The following NELL1 variants were observed in gnomAD, a reference collection of about 807,000 sequenced individuals.
The protein encoded by NELL1 is neural EGFL like 1, also known as protein kinase C-binding protein NELL1.
Under a neutral mutation model 107.4 loss-of-function variants are expected in NELL1, and 76 were observed. The observed-to-expected ratio is 0.71, with a 90% CI of 0.59 to 0.86. The LOEUF (loss-of-function observed/expected upper bound fraction) is 0.86. Among genes scored for constraint, NELL1 ranks in the 40% least tolerant of loss-of-function variants. The pLI is 0.00. For missense variants in NELL1, 1,024 were observed against 1,005.5 expected (o/e 1.02, Z -0.25); for synonymous variants, 353 against 341.2 (o/e 1.03, Z -0.38).
chr11:21,000,406 T>C (rs946627692), intron 12 of NELL1, among the ~76,000 whole-genome samples: 2 of 152,188 alleles, frequency 1.3e-5, no homozygotes, highest in African/African-American at 4.8e-5. Context: ...GAACCCAGAG[T>C]TAAAATTTCC....
intron 13 of NELL1, among the ~76,000 whole-genome samples, chr11:21,190,658 A>G (rs1193132904): frequency 6.6e-6 from 1 of 151,878 alleles, no homozygotes. Context: ...CTGACAACTA[A>G]ATACAGGATG....
intron 15 of NELL1, among the ~76,000 whole-genome samples, chr11:21,530,601 AT>A (rs1282571318): frequency 1.3e-5 from 2 of 152,114 alleles, no homozygotes; most frequent in African/African-American, 4.8e-5. Context: ...AATTATAATC[AT>A]GATTAAAATT....
At chr11:20,967,567 C>T (rs1264926564) in intron 12 of NELL1, among the ~76,000 whole-genome samples, 4 of 152,082 alleles carry the variant, frequency 2.6e-5, no homozygotes, top group Non-Finnish European at 5.9e-5. Flanking sequence ...CTTGATTCCA[C>T]TCTTTTCTTT....
chr11:21,190,062 A>G (rs7103385), intron 13 of NELL1, among the ~76,000 whole-genome samples: 18,809 of 151,752 alleles, frequency 0.12, 1,765 homozygotes, highest in East Asian at 0.48. Flanking sequence ...AGATTTAAGA[A>G]AAGATGCAGG....
intron 15 of NELL1, among the ~76,000 whole-genome samples, chr11:21,463,012 G>C (rs927592604): frequency 1.3e-5 from 2 of 151,648 alleles, no homozygotes; most frequent in African/African-American, 2.4e-5. Flanking sequence ...TTTCAAAATA[G>C]GTTCCTTGAA....
chr11:21,447,397 G>C (rs1358996845), intron 15 of NELL1, among the ~76,000 whole-genome samples: 1 of 152,158 alleles, frequency 6.6e-6, no homozygotes, highest in Admixed American at 6.5e-5. Flanking sequence ...CCTGAAGCCA[G>C]CATGTCTCAG....
chr11:20,710,622 C>T (rs188304525), intron 2 of NELL1, among the ~76,000 whole-genome samples: 318 of 152,110 alleles, frequency 2.1e-3, no homozygotes, highest in African/African-American at 7.1e-3. Flanking sequence ...ATTAATTCTT[C>T]TTTGAATGTT....
intron 14 of NELL1, among the ~76,000 whole-genome samples, chr11:21,335,078 G>T (rs1850360319): frequency 6.6e-6 from 1 of 151,508 alleles, no homozygotes; most frequent in African/African-American, 2.4e-5. Flanking sequence ...ATTCAATTAA[G>T]GAAAAAAAGA....
intron 12 of NELL1, among the ~76,000 whole-genome samples, chr11:20,985,105 CTGT>C (rs948472745): frequency 3.4e-4 from 51 of 152,028 alleles, no homozygotes; most frequent in African/African-American, 1.2e-3. Context: ...GTTAATTTAC[CTGT>C]TGTTAGATAT....
At chr11:20,748,971 T>A (rs541343650) in intron 2 of NELL1, among the ~76,000 whole-genome samples, 1 of 151,874 alleles carries the variant, frequency 6.6e-6, no homozygotes, top group East Asian at 1.9e-4. Context: ...TTTTGACATA[T>A]ATTTACTGAG....
At chr11:21,252,523 T>C (rs1407759337) in intron 14 of NELL1, among the ~76,000 whole-genome samples, 1 of 152,142 alleles carries the variant, frequency 6.6e-6, no homozygotes, top group Non-Finnish European at 1.5e-5. Flanking sequence ...TGAAAAATTA[T>C]GGCATGTTAT....
At chr11:20,915,717 A>ATATATATATATATATTTTTTTTTTTTTT in intron 5 of NELL1, among the ~76,000 whole-genome samples, 1 of 58,218 alleles carries the variant, frequency 1.7e-5, no homozygotes, top group African/African-American at 8.8e-5. Context: ...ATATATATAT[A>ATATATATATATATATTTTTTTTTTTTTT]TTTTTTTTTT....
intron 11 of NELL1, among the ~76,000 whole-genome samples, chr11:20,955,205 A>G (rs1489775125): frequency 1.3e-5 from 2 of 152,194 alleles, no homozygotes; most frequent in South Asian, 2.1e-4. Flanking sequence ...GCCCTTATAG[A>G]AGTGTTGTCA....
At chr11:20,972,567 A>T (rs1411899510) in intron 12 of NELL1, among the ~76,000 whole-genome samples, 3 of 152,118 alleles carry the variant, frequency 2.0e-5, no homozygotes, top group Non-Finnish European at 4.4e-5. Flanking sequence ...GAGGAGGTTG[A>T]TGTACGAGTT....
chr11:21,467,456 A>G (rs974278240), intron 15 of NELL1, among the ~76,000 whole-genome samples: 7 of 152,080 alleles, frequency 4.6e-5, no homozygotes, highest in African/African-American at 1.2e-4. Flanking sequence ...ATGGAAGTGC[A>G]TATTTATGTC....
Position 20,847,606 on chromosome 11 carries a change from G to T in NELL1, c.359G>T (p.Gly120Val). The change falls in exon 4 of 20, where the codon GGC becomes GTC. Residue 120 changes from glycine to valine, a missense_variant. Physicochemically the swap from Gly to Val is moderately radical, Grantham distance 109. Transcript: ENST00000357134. ...EHSYFELESSGLRDEIRYHYI... is the reference protein window; with the variant it reads ...EHSYFELESSVLRDEIRYHYI... The stretch of plus-strand genomic sequence containing the variant: ...AGCTATTTTGAACTGGAGAGCAGTG[G>T]CCTGAGGGATGAGATTCGGTATCAC... 6.2e-7 allele frequency: 1 copy of T among 1,613,678 alleles called. No individual in the cohort carries two copies. Among genetic ancestry groups the T allele is most frequent in the Non-Finnish European group, 8.5e-7 (1 of 1,179,756 alleles).
At chr11:20,829,711 T>G (rs978501757) in intron 3 of NELL1, among the ~76,000 whole-genome samples, 2 of 152,160 alleles carry the variant, frequency 1.3e-5, no homozygotes, top group African/African-American at 4.8e-5. Context: ...CTTTGACACT[T>G]TTGAAGAGTA....
intron 2 of NELL1, among the ~76,000 whole-genome samples, chr11:20,709,809 C>G (rs988210907): frequency 5.3e-5 from 8 of 151,916 alleles, no homozygotes; most frequent in African/African-American, 2.4e-5. Flanking sequence ...TTTTTTGCAG[C>G]TGATGTAAAA....
intron 2 of NELL1, among the ~76,000 whole-genome samples, chr11:20,777,434 A>G (rs1332903290): frequency 2.0e-5 from 3 of 152,238 alleles, no homozygotes; most frequent in African/African-American, 7.2e-5. Context: ...TTACACGTTA[A>G]CTGGGAGTCT....
Sources: gnomAD v4.1 joint callset for allele counts (sites outside exome capture counted in the v4.1 genomes callset) on GRCh38, gnomAD v4.1.1 for gene constraint, MANE v1.5 for transcripts, NCBI Gene and HGNC (gene_info 2026-07-23, HGNC 2026-07-21) for gene names.